Variants in JAG1 observed in about 807,000 individuals in gnomAD.
The protein encoded by JAG1 is protein jagged-1.
In JAG1, 23 loss-of-function variants were observed where a neutral mutation model predicts 148.7. That is an observed-to-expected ratio of 0.15 (90% CI 0.11 to 0.22). The LOEUF (loss-of-function observed/expected upper bound fraction) is 0.22, where lower values mean the gene tolerates loss of function less well. Among genes scored for constraint, JAG1 ranks in the 10% least tolerant of loss-of-function variants. The pLI is 1.00. For missense variants in JAG1, 1,054 were observed against 1,611.2 expected (o/e 0.65, Z 5.92); for synonymous variants, 572 against 598.3 (o/e 0.96, Z 0.64).
At chr20:10,655,187 C>G (rs1234857402) in intron 5 of JAG1, among the ~76,000 whole-genome samples, 1 of 152,196 alleles carries the variant, frequency 6.6e-6, no homozygotes, top group African/African-American at 2.4e-5. Flanking sequence ...GGGAGGGGAA[C>G]AGACGGAGCG....
chr20:10,639,997 A>G, intron 25 of JAG1, 42 bp from the exon 26 acceptor site: 2 of 1,489,350 alleles, frequency 1.3e-6, no homozygotes, highest in Non-Finnish European at 1.9e-6. Flanking sequence ...CCAAGAAAGA[A>G]AGAAAAAAGC....
Position 10,638,028 on chromosome 20 carries a change from A to C in JAG1, c.*1470T>G, listed in dbSNP as rs1224382183. 1.3e-5 allele frequency: 2 copies of C among 152,818 alleles called. No individual in the cohort carries two copies. Among genetic ancestry groups the C allele is most frequent in the African/African-American group, 2.4e-5 (1 of 41,602 alleles). 9.5% of individuals were successfully genotyped at this position (152,818 alleles called of 1,614,324 possible). A position where few individuals can be genotyped will look rare whatever the true frequency, so the allele number is the denominator to read the frequency against. On this transcript the variant is annotated 3_prime_UTR_variant, in exon 26 of 26. Transcript: ENST00000254958. ...TATTACTTTTCAAAATTTATTGCCA[A>C]GAACAACACATCAAAGATGCATTTG...
Position 10,673,295 on chromosome 20 carries a change from T to C in JAG1, c.81+155A>G, listed in dbSNP as rs2067511433. ...GGAGGCAGGGGCTCCCGTGGGGGAG[T>C]TGGCGCGCTCAGCCCAGGTGCAGCC... On this transcript the variant is annotated intron_variant, in intron 1 of 25. Coordinates refer to ENST00000254958, the MANE Select transcript of JAG1 (RefSeq NM_000214.3). The surrounding 1 kb of genome is among the most constrained non-coding windows in gnomAD (Gnocchi z 4.7). Among the ~76,000 whole-genome samples the C allele has an allele frequency of 6.6e-6, 1 of 151,516 alleles. No homozygotes were observed. The highest frequency in any genetic ancestry group is 2.4e-5 in the African/African-American group (1 of 41,158).
intron 2 of JAG1, among the ~76,000 whole-genome samples, 159 bp downstream of exon 2, chr20:10,672,542 T>C (rs751840840): frequency 6.6e-6 from 1 of 152,174 alleles, no homozygotes; most frequent in Non-Finnish European, 1.5e-5. Context: ...GATCTAACTA[T>C]AGTGTCCCGG....
chr20:10,666,081 G>C (rs2143620), intron 2 of JAG1, among the ~76,000 whole-genome samples: 1 of 152,004 alleles, frequency 6.6e-6, no homozygotes, highest in Non-Finnish European at 1.5e-5. Context: ...CTACAGTGAC[G>C]GCAACAAAGC....
At chr20:10,643,752 G>T in intron 20 of JAG1, 26 bp downstream of exon 20, 1 of 1,597,854 alleles carries the variant, frequency 6.3e-7, no homozygotes, top group Non-Finnish European at 8.6e-7. Context: ...AAGCCATTGG[G>T]AAAACCAGAC....
intron 8 of JAG1, chr20:10,651,217 CT>C (rs1261283131): frequency 4.5e-6 from 1 of 220,072 alleles, no homozygotes; most frequent in African/African-American, 2.3e-5. Context: ...CTGGGGCCCC[CT>C]GGCCCTATGA....
chr20:10,644,263 C>T (rs188706905), intron 19 of JAG1, 94 bp downstream of exon 19: 1 of 1,079,884 alleles, frequency 9.3e-7, no homozygotes, highest in East Asian at 2.5e-5. Context: ...TAAACACAAT[C>T]CCTGGGTGAT....
Position 10,652,579 on chromosome 20 carries a change from C to T in JAG1, c.775G>A (p.Gly259Ser). Residue 259 changes from glycine to serine, a missense_variant, in exon 6 of 26, where the codon GGC becomes AGC. Physicochemically the swap from Gly to Ser is moderately conservative, Grantham distance 56 (BLOSUM62 0). Coordinates refer to ENST00000254958, the MANE Select transcript of JAG1 (RefSeq NM_000214.3). ...GDCRCQYGWQ[G>S]LYCDKCIPHP... The stretch of plus-strand genomic sequence containing the variant: ...GGGATGCACTTATCACAGTACAGGC[C>T]TTGCCAGCCGTACTGGCACCTGGAG... 6.2e-7 allele frequency: 1 copy of T among 1,613,980 alleles called. No individual in the cohort carries two copies. The highest frequency in any genetic ancestry group is 8.5e-7 in the Non-Finnish European group (1 of 1,179,948).
At chr20:10,649,299 CATT>C (rs2067330611) in intron 10 of JAG1, among the ~76,000 whole-genome samples, 192 bp from the exon 11 acceptor site, 11 of 152,110 alleles carry the variant, frequency 7.2e-5, no homozygotes, top group Admixed American at 7.2e-4. Flanking sequence ...AACTTCACAT[CATT>C]GTTTCAGCCA....
intron 2 of JAG1, among the ~76,000 whole-genome samples, chr20:10,667,836 C>T (rs968297496): frequency 1.3e-5 from 2 of 152,112 alleles, no homozygotes; most frequent in Non-Finnish European, 2.9e-5. Flanking sequence ...ATTAAATGCA[C>T]CAGTTACAAA....
chr20:10,647,821 TA>T, intron 13 of JAG1, 138 bp downstream of exon 13: 1 of 954,914 alleles, frequency 1.0e-6, no homozygotes, highest in East Asian at 2.6e-5. Flanking sequence ...TGCGGCCCGC[TA>T]CACAGGCAGG....
At chr20:10,669,515 C>G (rs2067480093) in intron 2 of JAG1, among the ~76,000 whole-genome samples, 1 of 110,968 alleles carries the variant, frequency 9.0e-6, no homozygotes, top group Admixed American at 1.3e-4. Context: ...TGGCATCCCT[C>G]ACACAGAAGA....
In JAG1 at chr20:10,644,710, CAGGGCTGTATCCCATCAAGT is replaced by C. The variant is rs1309469929; in HGVS notation, c.2344+133_2344+152del. 12 of 729,644 alleles carry C rather than the reference CAGGGCTGTATCCCATCAAGT, an allele frequency of 1.6e-5. No individual in the cohort carries two copies. The African/African-American group carries it at 1.7e-4, about 10-fold the overall frequency. The allele number at this position is 729,644 out of a possible 1,614,324, so 45.2% of individuals were successfully genotyped here. A position where few individuals can be genotyped will look rare whatever the true frequency, so the allele number is the denominator to read the frequency against. The stretch of plus-strand genomic sequence containing the variant: ...ATTGGCGACTTTCTCATGCCCAGGT[CAGGGCTGTATCCCATCAAGT>C]CATTAATGCAGACCCAGGTGATACA... On this transcript the variant is annotated intron_variant, in intron 18 of 25. Coordinates refer to ENST00000254958, the MANE Select transcript of JAG1 (RefSeq NM_000214.3).
Position 10,639,953 on chromosome 20 carries a change from A to G in JAG1, c.3202T>C (p.Phe1068Leu), listed in dbSNP as rs779726267. 1 of 1,613,196 alleles carries G rather than the reference A, an allele frequency of 6.2e-7. No individual in the cohort carries two copies. Among genetic ancestry groups the G allele is most frequent in the Non-Finnish European group, 8.5e-7 (1 of 1,179,200 alleles). ...ACAGAGCTCAGCAAGGGAACAAGGA[A>G]ATCTGTAAGGCAGGCACAAAACCAA... ...QRRPLKNRTD[F>L]LVPLLSSVLT... The change falls in exon 26 of 26, where the codon TTC becomes CTC. Residue 1068 changes from phenylalanine (F) to leucine (L), a missense_variant and splice_region_variant. Transcript: ENST00000254958.
intron 12 of JAG1, 151 bp downstream of exon 12, chr20:10,648,398 C>A: frequency 1.3e-6 from 1 of 757,676 alleles, no homozygotes; most frequent in South Asian, 1.5e-5. Flanking sequence ...CTTCCACCAG[C>A]ATTTGTCTAG....
chr20:10,648,903 C>T (rs1227285003), intron 11 of JAG1, 158 bp downstream of exon 11: 18 of 876,074 alleles, frequency 2.1e-5, no homozygotes, highest in African/African-American at 1.0e-4. Flanking sequence ...ATGACTCCCA[C>T]GAGGCTGGGG....
intron 13 of JAG1, among the ~76,000 whole-genome samples, chr20:10,647,693 G>A (rs192055606): frequency 5.9e-5 from 9 of 152,302 alleles, no homozygotes; most frequent in African/African-American, 1.7e-4. Flanking sequence ...TTGCCTCAGC[G>A]TTGCACATCA....
chr20:10,658,450 G>GCA lies in JAG1; in HGVS notation c.694+16_694+17dup, dbSNP rs112693360. ...AAAAGCAACAGGCACACGTGCACAT[G>GCA]CACACACACACACATACCTCTGTTA... On this transcript the variant is annotated intron_variant, in intron 4 of 25. Coordinates refer to ENST00000254958, the MANE Select transcript of JAG1 (RefSeq NM_000214.3). 203 of 1,590,814 alleles carry GCA rather than the reference G, an allele frequency of 1.3e-4. 2 individuals are homozygous for GCA. Among genetic ancestry groups the GCA allele is most frequent in the South Asian group, 1.1e-3 (100 of 90,334 alleles).
Sources: allele counts gnomAD v4.1 joint callset (sites outside exome capture counted in the v4.1 genomes callset), GRCh38; gene constraint gnomAD v4.1.1; non-coding constraint Gnocchi (gnomAD v3.1); transcripts MANE v1.5; gene names NCBI Gene and HGNC (gene_info 2026-07-23, HGNC 2026-07-21).